The following SGCD variants were observed in gnomAD, a reference collection of about 807,000 sequenced individuals.
SGCD encodes the protein sarcoglycan delta, also known as delta-sarcoglycan.
In SGCD, 18 loss-of-function variants were observed where a neutral mutation model predicts 36.6. The observed-to-expected ratio is 0.49, with a 90% CI of 0.34 to 0.73. The LOEUF (loss-of-function observed/expected upper bound fraction) is 0.73, where lower values mean the gene tolerates loss of function less well. Among genes scored for constraint, SGCD ranks in the 30% least tolerant of loss-of-function variants. SGCD has a pLI of 0.01. For missense variants in SGCD, 387 were observed against 346.7 expected (o/e 1.12, Z -0.92); for synonymous variants, 133 against 130.6 (o/e 1.02, Z -0.12).
intron 7 of SGCD, among the ~76,000 whole-genome samples, chr5:156,722,712 T>G (rs534421055): frequency 6.6e-6 from 1 of 152,250 alleles, no homozygotes; most frequent in Non-Finnish European, 1.5e-5. Flanking sequence ...ATACATTCCC[T>G]GGCAGCCAGC....
intron 3 of SGCD, among the ~76,000 whole-genome samples, chr5:156,418,784 A>G (rs1195477570): frequency 6.6e-6 from 1 of 152,214 alleles, no homozygotes; most frequent in Non-Finnish European, 1.5e-5. Context: ...CCATAGTAGA[A>G]GATGGTTTGT....
the SGCD span, among the ~76,000 whole-genome samples, chr5:155,728,353 C>T: frequency 1.3e-5 from 2 of 152,200 alleles, no homozygotes; most frequent in Non-Finnish European, 2.9e-5. Context: ...CGAGATCGCC[C>T]TCCATGCTGC....
intron 7 of SGCD, among the ~76,000 whole-genome samples, chr5:156,724,875 C>T (rs1755694470): frequency 6.6e-6 from 1 of 152,192 alleles, no homozygotes; most frequent in Non-Finnish European, 1.5e-5. Context: ...ATATATCCTC[C>T]AGCTTGAGAT....
intron 1 of SGCD, among the ~76,000 whole-genome samples, chr5:155,979,939 A>G (rs553931961): frequency 6.6e-6 from 1 of 152,282 alleles, no homozygotes; most frequent in East Asian, 1.9e-4. Flanking sequence ...TATGAATGGT[A>G]TTAGGAGGTG....
At chr5:155,806,502 T>C in the SGCD span, among the ~76,000 whole-genome samples, 2 of 152,246 alleles carry the variant, frequency 1.3e-5, no homozygotes, top group Non-Finnish European at 2.9e-5. Context: ...AGTGATGTTA[T>C]GTGTAGATTT....
At chr5:156,160,868 C>A (rs1763071833) in intron 3 of SGCD, among the ~76,000 whole-genome samples, 1 of 151,636 alleles carries the variant, frequency 6.6e-6, no homozygotes, top group Non-Finnish European at 1.5e-5. Context: ...TAGAGGCCAG[C>A]AAATTTTTCC....
At chr5:156,752,832 G>A (rs1561897230) in intron 7 of SGCD, among the ~76,000 whole-genome samples, 1 of 152,220 alleles carries the variant, frequency 6.6e-6, no homozygotes, top group East Asian at 1.9e-4. Flanking sequence ...CCACTGGCCA[G>A]GTTAGATAGA....
intron 6 of SGCD, among the ~76,000 whole-genome samples, chr5:156,600,697 G>A (rs951072960): frequency 1.3e-5 from 2 of 152,120 alleles, no homozygotes; most frequent in African/African-American, 4.8e-5. Flanking sequence ...ATCCTGTAGT[G>A]GGATTGCTGG....
chr5:156,427,154 A>G (rs75036283), intron 3 of SGCD, among the ~76,000 whole-genome samples: 2,072 of 152,222 alleles, frequency 0.014, 22 homozygotes, highest in Non-Finnish European at 0.023. Context: ...TTTTCTCAGT[A>G]TTGATTCTAC....
intron 4 of SGCD, among the ~76,000 whole-genome samples, chr5:156,581,792 G>T (rs1055112474): frequency 6.6e-6 from 1 of 152,214 alleles, no homozygotes; most frequent in Non-Finnish European, 1.5e-5. Flanking sequence ...GCAGTATTTG[G>T]ATGGGAGGGT....
At chr5:155,869,853 G>A (rs1013657415), upstream of SGCD, among the ~76,000 whole-genome samples, 1 of 152,098 alleles carries the variant, frequency 6.6e-6, no homozygotes, top group African/African-American at 2.4e-5. Context: ...ACAAAAATTA[G>A]CTGGATGTGG....
chr5:156,420,757 A>G (rs1393893600), intron 3 of SGCD, among the ~76,000 whole-genome samples: 1 of 152,144 alleles, frequency 6.6e-6, no homozygotes, highest in Non-Finnish European at 1.5e-5. Context: ...TACAGCTACT[A>G]TTCCTTAGAA....
chr5:156,253,172 G>A (rs1028101380), intron 3 of SGCD, among the ~76,000 whole-genome samples: 1 of 152,184 alleles, frequency 6.6e-6, no homozygotes, highest in African/African-American at 2.4e-5. Flanking sequence ...AAGAACCACA[G>A]TTGGGAACAG....
chr5:156,579,230 G>T (rs1426405444), intron 4 of SGCD, among the ~76,000 whole-genome samples: 1 of 152,176 alleles, frequency 6.6e-6, no homozygotes, highest in Non-Finnish European at 1.5e-5. Flanking sequence ...TTTTGAGTGT[G>T]TTTCTTAATC....
intron 7 of SGCD, among the ~76,000 whole-genome samples, chr5:156,649,411 C>T (rs1763367904): frequency 6.6e-6 from 1 of 152,094 alleles, no homozygotes; most frequent in South Asian, 2.1e-4. Context: ...CACATGCACA[C>T]ATATATTTAT....
chr5:155,805,314 T>C, the SGCD span, among the ~76,000 whole-genome samples: 10 of 152,060 alleles, frequency 6.6e-5, no homozygotes, highest in African/African-American at 1.9e-4. Flanking sequence ...AGGTAGAAAG[T>C]GAGGTAGTGA....
At chr5:156,234,417 A>G (rs1187195333) in intron 3 of SGCD, among the ~76,000 whole-genome samples, 1 of 152,220 alleles carries the variant, frequency 6.6e-6, no homozygotes, top group African/African-American at 2.4e-5. Context: ...ATTTGATATT[A>G]TAGTGGGAGC....
At chr5:156,498,741 G>C (rs763220070) in intron 3 of SGCD, among the ~76,000 whole-genome samples, 18 of 152,170 alleles carry the variant, frequency 1.2e-4, no homozygotes, top group Non-Finnish European at 8.8e-5. Flanking sequence ...TTATGTATAA[G>C]TGTTTGTGTG....
At chr5:156,083,976 A>C (rs557780249) in intron 1 of SGCD, among the ~76,000 whole-genome samples, 1 of 152,298 alleles carries the variant, frequency 6.6e-6, no homozygotes, top group Non-Finnish European at 1.5e-5. Context: ...TCTCCCCAAC[A>C]ATATCACATT....
Sources: allele counts gnomAD v4.1 joint callset (sites outside exome capture counted in the v4.1 genomes callset), GRCh38; gene constraint gnomAD v4.1.1; transcripts MANE v1.5; gene names NCBI Gene and HGNC (gene_info 2026-07-23, HGNC 2026-07-21).